FBN3: variants seen among roughly 807,000 people sequenced by gnomAD.
FBN3 encodes fibrillin-3.
A neutral mutation model predicts 330.1 loss-of-function variants in FBN3; 234 were observed. The ratio of observed to expected loss-of-function variants is 0.71; its 90% CI spans 0.64 to 0.79. FBN3 has a LOEUF of 0.79. Among genes scored for constraint, FBN3 ranks in the 30% least tolerant of loss-of-function variants. The pLI is 0.00. For missense variants in FBN3, 3,606 were observed against 3,886.9 expected (o/e 0.93, Z 1.92); for synonymous variants, 1,458 against 1,517.3 (o/e 0.96, Z 0.91).
At position 8,141,788 on chromosome 19, in the gene FBN3, T is replaced by C; in HGVS notation, c.794A>G (p.Asn265Ser). Residue 265 changes from asparagine (N) to serine (S), a missense_variant, in exon 8 of 64, where the codon AAC (asparagine) becomes AGC (serine). Asn to Ser is a conservative substitution (Grantham distance 46, BLOSUM62 1). Coordinates refer to ENST00000600128, the MANE Select transcript of FBN3 (RefSeq NM_032447.5). ...GCGGCAATGGAAGGAGCCCACCATGTTGACGCAGCTGCCTCCCTGGCACAG... is the reference window on the plus strand; with the variant it reads ...GCGGCAATGGAAGGAGCCCACCATGCTGACGCAGCTGCCTCCCTGGCACAG... The part of the protein sequence containing the change: ...PGLCQGGSCV[N>S]MVGSFHCRCP... 6.2e-7 allele frequency: 1 copy of C among 1,614,200 alleles called. No homozygotes were observed. Among genetic ancestry groups the C allele is most frequent in the Non-Finnish European group, 8.5e-7 (1 of 1,180,030 alleles).
chr19:8,145,780 G>A, intron 5 of FBN3, 63 bp downstream of exon 5: 21 of 1,305,556 alleles, frequency 1.6e-5, no homozygotes, highest in Non-Finnish European at 2.3e-5. Flanking sequence ...TGGCAGCAGA[G>A]ACTAATACTC....
intron 41 of FBN3, among the ~76,000 whole-genome samples, chr19:8,097,830 A>T (rs2082243419): frequency 6.6e-6 from 1 of 152,222 alleles, no homozygotes; most frequent in Non-Finnish European, 1.5e-5. Context: ...AAGCCCTGTA[A>T]CATGTGACAA....
chr19:8,109,855 C>T lies in FBN3; in HGVS notation c.4334-102G>A. The T allele has an allele frequency of 7.8e-7, 1 of 1,283,386 alleles. No homozygotes were observed. Among genetic ancestry groups the T allele is most frequent in the South Asian group, 1.9e-5 (1 of 51,634 alleles). The allele number at this position is 1,283,386 out of a possible 1,614,324, so 79.5% of individuals were successfully genotyped here. On this transcript the variant is annotated intron_variant, in intron 34 of 63. Coordinates refer to ENST00000600128, the MANE Select transcript of FBN3 (RefSeq NM_032447.5). The surrounding 1 kb of genome is among the most constrained non-coding windows in gnomAD (Gnocchi z 5.2). Reference sequence around the variant, plus strand: ...CTACAGCCCTCGCTCAAGGTCAACTCCTGGGCACCAGATTGTGGGACAATG... The same window carrying T: ...CTACAGCCCTCGCTCAAGGTCAACTTCTGGGCACCAGATTGTGGGACAATG...
At position 8,087,839 on chromosome 19, in the gene FBN3, C is replaced by G. The variant is rs2082001419; in HGVS notation, c.6605G>C (p.Gly2202Ala). Residue 2202 changes from glycine to alanine, a missense_variant, in exon 53 of 64, where the codon GGG becomes GCG. Physicochemically the swap from Gly to Ala is moderately conservative, Grantham distance 60 (BLOSUM62 0). Coordinates refer to ENST00000600128, the MANE Select transcript of FBN3 (RefSeq NM_032447.5). Reference protein sequence around the residue: ...CPAGYTLREDGAMCRDVDECA... With the variant: ...CPAGYTLREDAAMCRDVDECA... ...GTCAGGCCTACCTCGACACATGGCC[C>G]CATCCTCCCGCAGGGTGTAGCCGGC... is the stretch of plus-strand genomic sequence containing the variant. 3 of 1,614,028 alleles carry G rather than the reference C, an allele frequency of 1.9e-6. No homozygotes were observed. The East Asian group carries it at 6.7e-5, about 36-fold the overall frequency.
chr19:8,149,366 C>T lies in FBN3; in HGVS notation c.-18+83G>A, dbSNP rs942932651. On this transcript the variant is annotated intron_variant, in intron 1 of 63. Transcript: ENST00000600128. The surrounding 1 kb of genome is among the most constrained non-coding windows in gnomAD (Gnocchi z 5.5). Reference sequence around the variant, plus strand: ...AACAAAGGAATCCTCTCCCCCTCCCCCTGCCGGCCCCCCCGCCCCCGCCTT... The same window carrying T: ...AACAAAGGAATCCTCTCCCCCTCCCTCTGCCGGCCCCCCCGCCCCCGCCTT... 2 of 151,750 alleles carry T rather than the reference C, an allele frequency of 1.3e-5. No homozygotes were observed. Among genetic ancestry groups the T allele is most frequent in the African/African-American group, 2.4e-5 (1 of 41,376 alleles). 9.4% of individuals were successfully genotyped at this position (151,750 alleles called of 1,614,324 possible).
At chr19:8,075,591 T>G (rs954455363) in intron 59 of FBN3, among the ~76,000 whole-genome samples, 180 bp from the exon 60 acceptor site, 3 of 152,212 alleles carry the variant, frequency 2.0e-5, no homozygotes, top group Non-Finnish European at 4.4e-5. Context: ...CACCAATGTT[T>G]GAGATCCTGC....
chr19:8,086,158 G>GGGGGGAACCGGCA, intron 55 of FBN3, 42 bp downstream of exon 55: 1 of 1,568,636 alleles, frequency 6.4e-7, no homozygotes, highest in Non-Finnish European at 8.7e-7. Flanking sequence ...GGTGCCACAT[G>GGGGGGAACCGGCA]GTAGGTGGTT....
chr19:8,099,142 ATTAT>A (rs148315141), intron 41 of FBN3, among the ~76,000 whole-genome samples: 7,729 of 152,166 alleles, frequency 0.051, 635 homozygotes, highest in African/African-American at 0.18. Flanking sequence ...TGGGGGACCT[ATTAT>A]GTAATGAAGG....
rs2082588977 is a variant in FBN3, at chr19:8,111,707, G to C, written c.4025C>G (p.Pro1342Arg). 6.4e-7 allele frequency: 1 copy of C among 1,566,266 alleles called. No individual in the cohort carries two copies. Among genetic ancestry groups the C allele is most frequent in the Non-Finnish European group, 8.7e-7 (1 of 1,149,278 alleles). ...GCGGCAGGTGCAGCGGTAGGAGCCA[G>C]GGACATTGAGACAGTCACCTCTTGG... Reference protein sequence around the residue: ...CSPRGDCLNVPGSYRCTCRQG... With the variant: ...CSPRGDCLNVRGSYRCTCRQG... The change falls in exon 32 of 64, where the codon CCT (proline) becomes CGT (arginine). Residue 1342 changes from proline (P) to arginine (R), a missense_variant. Pro to Arg is a moderately radical substitution (Grantham distance 103). Transcript: ENST00000600128.
intron 16 of FBN3, among the ~76,000 whole-genome samples, chr19:8,130,596 GAAA>G (rs1366415546): frequency 8.8e-4 from 9 of 10,214 alleles, no homozygotes; most frequent in African/African-American, 4.3e-3. Context: ...AAGAAAGAAA[GAAA>G]GAAAGAAAGA....
At chr19:8,085,165 A>C (rs1393091170) in intron 56 of FBN3, among the ~76,000 whole-genome samples, 198 bp downstream of exon 56, 2 of 151,508 alleles carry the variant, frequency 1.3e-5, no homozygotes, top group African/African-American at 4.9e-5. Context: ...CAACCCCCCG[A>C]GTTCTTCCAT....
chr19:8,148,052 G>C (rs1471756845), intron 1 of FBN3, among the ~76,000 whole-genome samples: 1 of 152,020 alleles, frequency 6.6e-6, no homozygotes, highest in African/African-American at 2.4e-5. Context: ...GTTCTAGCTG[G>C]GACGGTGGAG....
At position 8,097,425 on chromosome 19, in the gene FBN3, C is replaced by T. The variant is rs780599528; in HGVS notation, c.5162-11G>A. The T allele has an allele frequency of 6.3e-7, 1 of 1,579,642 alleles. No individual in the cohort carries two copies. The highest frequency in any genetic ancestry group is 1.7e-5 in the Admixed American group (1 of 59,324). On this transcript the variant is annotated splice_polypyrimidine_tract_variant and intron_variant, in intron 41 of 63. Coordinates refer to ENST00000600128, the MANE Select transcript of FBN3 (RefSeq NM_032447.5). ...CACACTCATCAATGTCTGCAGAAGG[C>T]ATCTGCCATCAGGGGCAGCCCAGCC...
chr19:8,120,238 C>T (rs1212122267), intron 25 of FBN3, among the ~76,000 whole-genome samples: 3 of 140,724 alleles, frequency 2.1e-5, no homozygotes, highest in East Asian at 2.2e-4. Flanking sequence ...GGCGCGATCT[C>T]GGCTCACTGC....
chr19:8,138,207 G>A lies in FBN3; in HGVS notation c.1135C>T (p.Arg379Ter), dbSNP rs145809403. The change falls in exon 10 of 64, where the codon CGA becomes TGA. Residue 379 changes from arginine to a stop codon, truncating the protein, a stop_gained. Coordinates refer to ENST00000600128, the MANE Select transcript of FBN3 (RefSeq NM_032447.5). LOFTEE classifies it high-confidence loss of function. ...NGMGPPLGPA[R>*]LNPHGSDARG... ...GCATCAGAGCCATGGGGGTTGAGTC[G>A]CGCTGGCCCAAGAGGGGGACCCATG... The A allele has an allele frequency of 2.8e-4, 448 of 1,612,670 alleles. No individual in the cohort carries two copies. Among genetic ancestry groups the A allele is most frequent in the Non-Finnish European group, 3.7e-4 (431 of 1,179,620 alleles).
Position 8,109,807 on chromosome 19 carries a change from C to A in FBN3, c.4334-54G>T. The A allele has an allele frequency of 6.9e-7, 1 of 1,440,446 alleles. No individual in the cohort carries two copies. The highest frequency in any genetic ancestry group is 9.1e-7 in the Non-Finnish European group (1 of 1,095,960). 89.2% of individuals were successfully genotyped at this position (1,440,446 alleles called of 1,614,324 possible). ...GGGAGCCCCTTCCTCGGCCCCCCTCCCTCCTAGCTTCATCCTGGGAAGCTA... is the reference window on the plus strand; with the variant it reads ...GGGAGCCCCTTCCTCGGCCCCCCTCACTCCTAGCTTCATCCTGGGAAGCTA... On this transcript the variant is annotated intron_variant, in intron 34 of 63. Coordinates refer to ENST00000600128, the MANE Select transcript of FBN3 (RefSeq NM_032447.5). The surrounding 1 kb of genome is among the most constrained non-coding windows in gnomAD (Gnocchi z 5.2).
chr19:8,149,409 C>T lies in FBN3; in HGVS notation c.-18+40G>A, dbSNP rs1003229050. On this transcript the variant is annotated intron_variant, in intron 1 of 63. Coordinates refer to ENST00000600128, the MANE Select transcript of FBN3 (RefSeq NM_032447.5). This position sits in a 1 kb window ranked among gnomAD's most constrained non-coding sequence, Gnocchi z 5.5. ...CCCGCCTTCTCCACCCTTCAGCGCC[C>T]GCGATCTCGCCCCGCCGCTGGCCCC... is the stretch of plus-strand genomic sequence containing the variant. 1 of 151,814 alleles carries T rather than the reference C, an allele frequency of 6.6e-6. No individual in the cohort carries two copies. Among genetic ancestry groups the T allele is most frequent in the Admixed American group, 6.6e-5 (1 of 15,240 alleles). The allele number at this position is 151,814 out of a possible 1,614,324, so 9.4% of individuals were successfully genotyped here.
At chr19:8,120,165 C>CTTTTTTTTTTTTTTTTTTT (rs34799960) in intron 25 of FBN3, among the ~76,000 whole-genome samples, 1 of 127,920 alleles carries the variant, frequency 7.8e-6, no homozygotes, top group African/African-American at 3.0e-5. Context: ...TTCTTTCTTT[C>CTTTTTTTTTTTTTTTTTTT]TTTTTTTTTT....
chr19:8,087,209 C>A lies in FBN3; in HGVS notation c.6622G>T (p.Val2208Leu). The A allele has an allele frequency of 6.3e-7, 1 of 1,588,974 alleles. No homozygotes were observed. Residue 2208 changes from valine to leucine, a missense_variant and splice_region_variant, in exon 54 of 64, where the codon GTG becomes TTG. Transcript: ENST00000600128. ...TGCTGACCATCTGCACACTCGTCCACATCTTCGGATGACCAGAGACAGATG... is the reference window on the plus strand; with the variant it reads ...TGCTGACCATCTGCACACTCGTCCAAATCTTCGGATGACCAGAGACAGATG... ...LREDGAMCRD[V>L]DECADGQQDC...
Sources: gnomAD v4.1 joint callset for allele counts (sites outside exome capture counted in the v4.1 genomes callset) on GRCh38, gnomAD v4.1.1 for gene constraint, Gnocchi (gnomAD v3.1) non-coding constraint, MANE v1.5 for transcripts, NCBI Gene and HGNC (gene_info 2026-07-23, HGNC 2026-07-21) for gene names.